The following TPP2 variants were observed in gnomAD, a reference collection of about 807,000 sequenced individuals.
TPP2 encodes tripeptidyl peptidase 2.
A neutral mutation model predicts 155.9 loss-of-function variants in TPP2; 34 were observed. That is an observed-to-expected ratio of 0.22 (90% CI 0.17 to 0.29). The LOEUF is 0.29. TPP2 is among the 10% of genes least tolerant of loss of function. TPP2 has a pLI of 1.00. For missense variants in TPP2, 1,028 were observed against 1,522.3 expected, an observed-to-expected ratio of 0.68 and a Z score of 5.40; for synonymous variants, 510 against 529.4, an observed-to-expected ratio of 0.96 and a Z score of 0.50.
intron 27 of TPP2, among the ~76,000 whole-genome samples, chr13:102,665,786 A>T (rs1431817879): frequency 6.6e-6 from 1 of 152,106 alleles, no homozygotes; most frequent in Non-Finnish European, 1.5e-5. Context: ...AAAATACTAA[A>T]TTTTCCTTAA....
intron 20 of TPP2, among the ~76,000 whole-genome samples, chr13:102,646,671 G>C (rs189718589): frequency 4.6e-5 from 7 of 152,322 alleles, no homozygotes; most frequent in Admixed American, 3.3e-4. Flanking sequence ...ACCCAGGGGT[G>C]ATTAGATGGC....
intron 11 of TPP2, 24 bp from the exon 12 acceptor site, chr13:102,635,563 C>T (rs1487956961): frequency 6.3e-7 from 1 of 1,578,188 alleles, no homozygotes; most frequent in Non-Finnish European, 8.7e-7. Context: ...TGCTACACTA[C>T]TTGTTTTTGT....
intron 23 of TPP2, among the ~76,000 whole-genome samples, chr13:102,650,126 T>A (rs1883387060): frequency 6.6e-6 from 1 of 152,158 alleles, no homozygotes; most frequent in Non-Finnish European, 1.5e-5. Flanking sequence ...TACCTACCTG[T>A]TTTTGTTTTT....
intron 23 of TPP2, among the ~76,000 whole-genome samples, chr13:102,650,696 G>A (rs1419403730): frequency 1.3e-5 from 2 of 152,098 alleles, no homozygotes; most frequent in South Asian, 2.1e-4. Flanking sequence ...GAGTATAACA[G>A]AAAAGCATTA....
intron 28 of TPP2, among the ~76,000 whole-genome samples, chr13:102,675,188 T>C (rs543347680): frequency 2.6e-5 from 4 of 152,340 alleles, no homozygotes; most frequent in Admixed American, 6.5e-5. Context: ...AATTAACTGG[T>C]AATTTGCAGT....
At chr13:102,659,187 A>G (rs1259620507) in intron 25 of TPP2, among the ~76,000 whole-genome samples, 1 of 152,190 alleles carries the variant, frequency 6.6e-6, no homozygotes, top group African/African-American at 2.4e-5. Context: ...GTGGAGAAAA[A>G]AGGAATGAAA....
intron 14 of TPP2, among the ~76,000 whole-genome samples, chr13:102,637,920 T>TAGTA (rs1882492516): frequency 6.6e-6 from 1 of 152,220 alleles, no homozygotes; most frequent in African/African-American, 2.4e-5. Flanking sequence ...AGGCATAGAA[T>TAGTA]AGTATCACAA....
At chr13:102,653,166 A>G (rs1391369162) in intron 24 of TPP2, among the ~76,000 whole-genome samples, 1 of 152,192 alleles carries the variant, frequency 6.6e-6, no homozygotes, top group Non-Finnish European at 1.5e-5. Flanking sequence ...TTCTGTCTTC[A>G]ATGCAAGTAC....
At chr13:102,655,620 A>G (rs1440975067) in intron 24 of TPP2, among the ~76,000 whole-genome samples, 2 of 152,154 alleles carry the variant, frequency 1.3e-5, no homozygotes, top group South Asian at 2.1e-4. Flanking sequence ...GTTACTCTCC[A>G]TTTCTCTGCT....
chr13:102,658,496 C>G (rs986659156), intron 25 of TPP2, among the ~76,000 whole-genome samples: 5 of 152,142 alleles, frequency 3.3e-5, no homozygotes, highest in Middle Eastern at 3.2e-3. Flanking sequence ...GGCATGACAG[C>G]CTGAGGAGAC....
At chr13:102,654,282 T>C (rs1209580652) in intron 24 of TPP2, among the ~76,000 whole-genome samples, 3 of 152,196 alleles carry the variant, frequency 2.0e-5, no homozygotes, top group Non-Finnish European at 4.4e-5. Flanking sequence ...AAACATCTTG[T>C]AGGATTACAC....
intron 23 of TPP2, among the ~76,000 whole-genome samples, chr13:102,650,159 A>G (rs1883388890): frequency 6.6e-6 from 1 of 152,132 alleles, no homozygotes; most frequent in African/African-American, 2.4e-5. Context: ...TTCATTACAA[A>G]TTTATTATGA....
intron 11 of TPP2, among the ~76,000 whole-genome samples, chr13:102,634,479 TAGAAAG>T (rs1882241177): frequency 6.6e-6 from 1 of 152,034 alleles, no homozygotes; most frequent in Non-Finnish European, 1.5e-5. Context: ...CAAAATGAGG[TAGAAAG>T]AGAAGGAGGG....
At chr13:102,651,273 A>G in intron 23 of TPP2, 86 bp from the exon 24 acceptor site, 1 of 1,467,362 alleles carries the variant, frequency 6.8e-7, no homozygotes, top group Non-Finnish European at 9.2e-7. Context: ...GTGGAACATA[A>G]ACTGAAAGAC....
intron 10 of TPP2, among the ~76,000 whole-genome samples, chr13:102,632,243 C>CT (rs111570700): frequency 0.15 from 22,174 of 146,738 alleles, 1,940 homozygotes; most frequent in African/African-American, 0.25. Flanking sequence ...TTTCATGAGA[C>CT]TTTTTTTTTT....
At chr13:102,659,183 A>G (rs1199723118) in intron 25 of TPP2, among the ~76,000 whole-genome samples, 3 of 152,170 alleles carry the variant, frequency 2.0e-5, no homozygotes, top group Non-Finnish European at 4.4e-5. Context: ...AACAGTGGAG[A>G]AAAAAGGAAT....
rs1595199524 is a variant in TPP2 at position 102,657,082 on chromosome 13, A to G, written c.3018A>G (p.Leu1006=). 2 of 1,593,308 alleles carry G rather than the reference A, an allele frequency of 1.3e-6. No individual in the cohort carries two copies. Among genetic ancestry groups the G allele is most frequent in the Middle Eastern group, 1.7e-4 (1 of 6,002 alleles). ...KKDVIPVHYY[L]IPPPTKTKNG... ...ATGTAATCCCTGTTCATTACTACTT[A>G]ATACCTCCACCAACAAAGACTAAGA... Residue 1006 remains leucine (L), a synonymous_variant, in exon 25 of 30, where the codon TTA becomes TTG. Transcript: ENST00000376052.
rs974610238 is a variant in TPP2 at position 102,614,106 on chromosome 13, T to C, written c.300T>C (p.Pro100=). 6.2e-7 allele frequency: 1 copy of C among 1,613,152 alleles called. No individual in the cohort carries two copies. Among genetic ancestry groups the C allele is most frequent in the Admixed American group, 1.7e-5 (1 of 59,920 alleles). ...VGLSGRVLKI[P]ASWTNPSGKY... is the part of the protein sequence containing the mutation. ...TACTCTTTTTTTTTCTGTAGATTCC[T>C]GCAAGCTGGACAAATCCCTCAGGCA... is the stretch of plus-strand genomic sequence containing the variant. The change falls in exon 3 of 30, where the codon CCT becomes CCC. Residue 100 remains proline (P), a synonymous_variant. Coordinates refer to ENST00000376052, the MANE Select transcript of TPP2 (RefSeq NM_001330588.2).
At chr13:102,671,693 A>G (rs1884994533) in intron 27 of TPP2, among the ~76,000 whole-genome samples, 1 of 152,152 alleles carries the variant, frequency 6.6e-6, no homozygotes, top group South Asian at 2.1e-4. Flanking sequence ...ACAGGGTCCC[A>G]TAGCTGTAGC....
Sources: gnomAD v4.1 joint callset for allele counts (sites outside exome capture counted in the v4.1 genomes callset) on GRCh38, gnomAD v4.1.1 for gene constraint, MANE v1.5 for transcripts, NCBI Gene and HGNC (gene_info 2026-07-23, HGNC 2026-07-21) for gene names.